FOXP2: variants seen among roughly 807,000 people sequenced by gnomAD.
FOXP2 encodes the protein forkhead box P2.
In FOXP2, 12 loss-of-function variants were observed where a neutral mutation model predicts 115.8. The observed-to-expected ratio is 0.10, with a 90% CI of 0.07 to 0.17. The LOEUF (loss-of-function observed/expected upper bound fraction) is 0.17, where lower values mean the gene tolerates loss of function less well. Ranked by LOEUF, FOXP2 falls within the 10% of genes least tolerant of loss-of-function variation. FOXP2 has a pLI of 1.00. For synonymous variants in FOXP2, 328 were observed against 297.7 expected (o/e 1.10, Z -1.05); for missense variants, 629 against 843.5 (o/e 0.75, Z 3.15).
In FOXP2 at chr7:114,303,074, G is replaced by T. The variant is rs1028367348; in HGVS notation, c.-11+14965G>T. ...CCCAGACACCTGAGTCACAGAAATT[G>T]CAGGGTAATAAATGCATGTTCCATT... On this transcript the variant is annotated intron_variant, in intron 2 of 17. Coordinates refer to the FOXP2 transcript ENST00000634411. Among the ~76,000 whole-genome samples, 14 of 152,262 alleles carry T rather than the reference G, an allele frequency of 9.2e-5. 1 individual carries two copies. In the South Asian group the frequency reaches 1.5e-3, roughly 16 times the overall value.
At chr7:114,103,669 A>G (rs1488400205) in intron 1 of FOXP2, among the ~76,000 whole-genome samples, 1 of 151,996 alleles carries the variant, frequency 6.6e-6, no homozygotes, top group Non-Finnish European at 1.5e-5. Flanking sequence ...TTGTTTAACT[A>G]CTTCTTTCTT....
chr7:114,488,731 A>G (rs961643961), intron 2 of FOXP2, among the ~76,000 whole-genome samples: 3 of 152,304 alleles, frequency 2.0e-5, no homozygotes, highest in South Asian at 2.1e-4. Flanking sequence ...GCCTAACTAA[A>G]GAAATTTAGG....
chr7:114,252,711 C>G (rs1166653671), intron 1 of FOXP2, among the ~76,000 whole-genome samples: 1 of 152,090 alleles, frequency 6.6e-6, no homozygotes, highest in African/African-American at 2.4e-5. Context: ...CGCTAGCGTT[C>G]TATCAATTTT....
intron 2 of FOXP2, among the ~76,000 whole-genome samples, chr7:114,490,968 G>A (rs556597655): frequency 1.4e-4 from 22 of 152,228 alleles, no homozygotes; most frequent in Admixed American, 8.5e-4. Flanking sequence ...ATAAACATAC[G>A]TGTGCATGTG....
intron 3 of FOXP2, among the ~76,000 whole-genome samples, chr7:114,571,943 G>T (rs1801326554): frequency 6.6e-6 from 1 of 151,576 alleles, no homozygotes; most frequent in Non-Finnish European, 1.5e-5. Flanking sequence ...TTTCTAAATT[G>T]ACTCAGCCAA....
chr7:114,118,143 T>C (rs1189328945), intron 1 of FOXP2, among the ~76,000 whole-genome samples: 4 of 152,162 alleles, frequency 2.6e-5, no homozygotes, highest in African/African-American at 4.8e-5. Context: ...ATTTATTGGG[T>C]TCACAGTGGT....
chr7:114,361,112 T>G (rs1257340478), intron 2 of FOXP2, among the ~76,000 whole-genome samples: 1 of 152,154 alleles, frequency 6.6e-6, no homozygotes, highest in East Asian at 1.9e-4. Context: ...AAGCAATGGT[T>G]TGATTTCAGA....
intron 1 of FOXP2, among the ~76,000 whole-genome samples, chr7:114,187,551 C>A (rs946355100): frequency 6.6e-6 from 1 of 152,334 alleles, no homozygotes; most frequent in African/African-American, 2.4e-5. Flanking sequence ...CCCTACAACT[C>A]TTCTTCTGAG....
At chr7:114,319,694 A>C (rs1797364923) in intron 2 of FOXP2, among the ~76,000 whole-genome samples, 2 of 152,184 alleles carry the variant, frequency 1.3e-5, no homozygotes, top group South Asian at 4.1e-4. Context: ...CATGGGAATT[A>C]TGGGAACTAC....
At chr7:114,262,027 C>T (rs1795766228) in intron 1 of FOXP2, among the ~76,000 whole-genome samples, 1 of 152,094 alleles carries the variant, frequency 6.6e-6, no homozygotes, top group Non-Finnish European at 1.5e-5. Context: ...CATTGTACTC[C>T]AGCCTGGGTG....
chr7:114,554,764 T>C (rs1800376567), intron 3 of FOXP2, among the ~76,000 whole-genome samples: 1 of 152,194 alleles, frequency 6.6e-6, no homozygotes, highest in African/African-American at 2.4e-5. Context: ...TTTATTTTAA[T>C]ACTAATTTTT....
intron 8 of FOXP2, among the ~76,000 whole-genome samples, chr7:114,650,825 G>A (rs2129337100): frequency 6.6e-6 from 1 of 152,072 alleles, no homozygotes. Context: ...AACCAAGACT[G>A]ACATTGTGAC....
chr7:114,292,085 T>C (rs1796618177), intron 2 of FOXP2, among the ~76,000 whole-genome samples: 2 of 149,954 alleles, frequency 1.3e-5, no homozygotes, highest in Admixed American at 1.4e-4. Context: ...GTATAATGTA[T>C]GTATGTATTT....
At chr7:114,592,714 T>A (rs1292308116) in intron 3 of FOXP2, among the ~76,000 whole-genome samples, 1 of 152,060 alleles carries the variant, frequency 6.6e-6, no homozygotes, top group Non-Finnish European at 1.5e-5. Context: ...CAATGAATAT[T>A]ACAATAATAA....
chr7:114,434,604 C>T lies in FOXP2; in HGVS notation c.168+7925C>T, dbSNP rs75134380. On this transcript the variant is annotated intron_variant, in intron 2 of 16. Coordinates refer to ENST00000350908, the MANE Select transcript of FOXP2 (RefSeq NM_014491.4). The stretch of plus-strand genomic sequence containing the variant: ...GGGTAGGAGTAGTAAAGAAAATTTA[C>T]GCTAAAAATCTGACCAAATACTGTT... Among the ~76,000 whole-genome samples, 15 of 151,908 alleles carry T rather than the reference C, an allele frequency of 9.9e-5. No homozygotes were observed. The South Asian group carries it at 1.7e-3, about 17-fold the overall frequency.
chr7:114,272,307 C>T (rs1354640490), intron 1 of FOXP2, among the ~76,000 whole-genome samples: 1 of 151,156 alleles, frequency 6.6e-6, no homozygotes, highest in Non-Finnish European at 1.5e-5. Flanking sequence ...AAGATTTTTG[C>T]AATTTGTGTT....
intron 3 of FOXP2, among the ~76,000 whole-genome samples, chr7:114,591,378 C>A (rs910047981): frequency 6.6e-6 from 1 of 151,858 alleles, no homozygotes; most frequent in African/African-American, 2.4e-5. Context: ...TTGTTTATAT[C>A]CAGTTTAAAT....
At chr7:114,647,928 A>C (rs1172789520) in intron 8 of FOXP2, among the ~76,000 whole-genome samples, 1 of 151,962 alleles carries the variant, frequency 6.6e-6, no homozygotes, top group African/African-American at 2.4e-5. Context: ...AGGTGGAAAT[A>C]CTCTCCTTTA....
intron 2 of FOXP2, among the ~76,000 whole-genome samples, chr7:114,530,131 TG>T (rs908564477): frequency 6.6e-5 from 10 of 151,888 alleles, no homozygotes; most frequent in African/African-American, 2.4e-4. Flanking sequence ...AGGGAGTGAC[TG>T]TGTAAACATT....
Sources: allele counts gnomAD v4.1 joint callset (sites outside exome capture counted in the v4.1 genomes callset), GRCh38; gene constraint gnomAD v4.1.1; transcripts MANE v1.5; gene names NCBI Gene and HGNC (gene_info 2026-07-23, HGNC 2026-07-21).